GABRA3: variants seen among roughly 807,000 people sequenced by gnomAD.
The protein encoded by GABRA3 is gamma-aminobutyric acid receptor subunit alpha-3.
Under a neutral mutation model 30.1 loss-of-function variants are expected in GABRA3, and 10 were observed. The observed-to-expected ratio is 0.33, with a 90% CI of 0.20 to 0.56. The LOEUF is 0.56. Ranked by LOEUF, GABRA3 falls within the 20% of genes least tolerant of loss-of-function variation. The pLI is 0.89. For synonymous variants in GABRA3, 151 were observed against 146.8 expected (o/e 1.03, Z -0.21); for missense variants, 233 against 392.0 (o/e 0.59, Z 3.42).
At chrX:152,400,555 T>C (rs1311331733) in intron 1 of GABRA3, among the ~76,000 whole-genome samples, 1 of 110,485 alleles carries the variant, frequency 9.1e-6, no homozygotes, top group Admixed American at 9.6e-5. Context: ...GTGGCTCTCT[T>C]AGTGTGGTAG....
intron 1 of GABRA3, among the ~76,000 whole-genome samples, chrX:152,438,069 T>C (rs1047832967): frequency 8.9e-6 from 1 of 112,011 alleles, no homozygotes; most frequent in African/African-American, 3.2e-5. Flanking sequence ...AACATATATC[T>C]AGTACAGAAC....
chrX:152,360,626 A>T (rs1928456846), intron 2 of GABRA3, among the ~76,000 whole-genome samples: 1 of 82,495 alleles, frequency 1.2e-5, no homozygotes, highest in Non-Finnish European at 2.4e-5. Flanking sequence ...GCAGCGCACC[A>T]GCATGGCACA....
chrX:152,271,837 T>C (rs1322902859), intron 4 of GABRA3, among the ~76,000 whole-genome samples: 1 of 111,631 alleles, frequency 9.0e-6, no homozygotes, highest in Non-Finnish European at 1.9e-5. Context: ...AAAGGGCCAA[T>C]GTATAGCTCG....
At chrX:152,286,147 C>CT (rs984904058) in intron 3 of GABRA3, among the ~76,000 whole-genome samples, 7 of 83,240 alleles carry the variant, frequency 8.4e-5, no homozygotes, top group African/African-American at 3.3e-4. Flanking sequence ...AAGTTATATA[C>CT]TTATATACTA....
chrX:152,341,321 T>C (rs1940308844), intron 3 of GABRA3, among the ~76,000 whole-genome samples: 1 of 110,942 alleles, frequency 9.0e-6, no homozygotes. Context: ...CAATTGTGAA[T>C]TGGGCTGCAA....
Position 152,399,076 on chromosome X carries a change from A to G in GABRA3, c.-26-34480T>C, listed in dbSNP as rs984510285. 3.6e-5 allele frequency among the ~76,000 whole-genome samples: 4 copies of G among 111,520 alleles called. No individual in the cohort carries two copies. In the Admixed American group the frequency reaches 3.8e-4, roughly 11 times the overall value. On this transcript the variant is annotated intron_variant, in intron 1 of 9. Transcript: ENST00000370314. ...AAGAGGCAAGCTTCCTACTCTATCT[A>G]GTAAAGACTCACACAGATCAGGGCT...
At chrX:152,295,754 T>C (rs1200727087) in intron 3 of GABRA3, among the ~76,000 whole-genome samples, 1 of 112,291 alleles carries the variant, frequency 8.9e-6, no homozygotes, top group Non-Finnish European at 1.9e-5. Context: ...CAGTTTGAAA[T>C]GCGGAAATCA....
chrX:152,262,081 G>A (rs1315897164), intron 4 of GABRA3, among the ~76,000 whole-genome samples: 2 of 112,354 alleles, frequency 1.8e-5, no homozygotes, highest in Non-Finnish European at 3.8e-5. Flanking sequence ...GGCCTGAGCT[G>A]TACCTTGGCC....
chrX:152,262,964 C>G (rs754464005), intron 4 of GABRA3, among the ~76,000 whole-genome samples: 1 of 111,476 alleles, frequency 9.0e-6, no homozygotes, highest in South Asian at 3.8e-4. Context: ...GCTGGGGGGG[C>G]CTCAGGAAAT....
At chrX:152,334,481 T>C (rs1940205280) in intron 3 of GABRA3, among the ~76,000 whole-genome samples, 1 of 112,024 alleles carries the variant, frequency 8.9e-6, no homozygotes, top group Non-Finnish European at 1.9e-5. Flanking sequence ...AAAAAGCTAC[T>C]AGAAGTTTCA....
At chrX:152,360,081 G>T (rs750418185) in intron 2 of GABRA3, among the ~76,000 whole-genome samples, 3 of 92,979 alleles carry the variant, frequency 3.2e-5, no homozygotes, top group Non-Finnish European at 6.4e-5. Flanking sequence ...GGACATTTGG[G>T]TTGGTTCCAA....
At chrX:152,430,918 T>G (rs750412919) in intron 1 of GABRA3, among the ~76,000 whole-genome samples, 29 of 109,665 alleles carry the variant, frequency 2.6e-4, no homozygotes, top group Non-Finnish European at 5.3e-4. Flanking sequence ...GACAACGAGC[T>G]AGTGTGAGAA....
chrX:152,411,638 G>A (rs1429816771), intron 1 of GABRA3, among the ~76,000 whole-genome samples: 1 of 111,508 alleles, frequency 9.0e-6, no homozygotes, highest in African/African-American at 3.3e-5. Context: ...AAAAATAGAG[G>A]TTGGTCTTCA....
chrX:152,326,244 T>C (rs1332420194), intron 3 of GABRA3, among the ~76,000 whole-genome samples: 2 of 111,208 alleles, frequency 1.8e-5, no homozygotes, highest in East Asian at 5.7e-4. Flanking sequence ...TACCTGAAAG[T>C]GATGGGGAGA....
At chrX:152,346,595 A>G (rs1265846802) in intron 2 of GABRA3, among the ~76,000 whole-genome samples, 1 of 112,354 alleles carries the variant, frequency 8.9e-6, no homozygotes, top group Non-Finnish European at 1.9e-5. Context: ...TATCCATCTG[A>G]CAAAGAATTA....
intron 5 of GABRA3, among the ~76,000 whole-genome samples, chrX:152,235,137 C>T (rs1410198365): frequency 3.6e-5 from 4 of 111,677 alleles, no homozygotes; most frequent in Non-Finnish European, 5.6e-5. Context: ...GTGTCATTTA[C>T]TACTTTCATC....
At chrX:152,424,928 C>CTTTTTTTTTTTTTTTTTTTTTT (rs747255822) in intron 1 of GABRA3, among the ~76,000 whole-genome samples, 2 of 42,360 alleles carry the variant, frequency 4.7e-5, no homozygotes, top group Admixed American at 3.3e-4. Context: ...TTTTTCTTTT[C>CTTTTTTTTTTTTTTTTTTTTTT]TTTTTTTTTT....
intron 3 of GABRA3, among the ~76,000 whole-genome samples, chrX:152,337,000 G>C (rs1278632350): frequency 1.8e-5 from 2 of 111,546 alleles, no homozygotes; most frequent in African/African-American, 6.5e-5. Context: ...GCAGGTTATG[G>C]TTGCAGAGTG....
At chrX:152,425,215 T>C (rs1174086804) in intron 1 of GABRA3, among the ~76,000 whole-genome samples, 2 of 109,706 alleles carry the variant, frequency 1.8e-5, no homozygotes, top group Non-Finnish European at 3.8e-5. Context: ...GGATTACAGG[T>C]GTAAGCCACC....
Sources: allele counts gnomAD v4.1 joint callset (sites outside exome capture counted in the v4.1 genomes callset), GRCh38; gene constraint gnomAD v4.1.1; transcripts MANE v1.5; gene names NCBI Gene and HGNC (gene_info 2026-07-23, HGNC 2026-07-21).